The following NAALADL2 variants were observed in gnomAD, a reference collection of about 807,000 sequenced individuals.
The protein encoded by NAALADL2 is inactive N-acetylated-alpha-linked acidic dipeptidase-like protein 2.
NAALADL2 carries 76 observed loss-of-function variants against 87.2 expected under a neutral mutation model. That is an observed-to-expected ratio of 0.87 (90% confidence interval 0.72 to 1.05). The LOEUF is 1.05. Among genes scored for constraint, NAALADL2 ranks in the 50% least tolerant of loss-of-function variants. The probability of loss-of-function intolerance (pLI) is 0.00; values close to 1 mark genes in which losing one functional copy is unlikely to be tolerated. For missense variants in NAALADL2, 1,089 were observed against 945.8 expected, an observed-to-expected ratio of 1.15 and a Z score of -1.99; for synonymous variants, 354 against 331.0, an observed-to-expected ratio of 1.07 and a Z score of -0.75.
chr3:175,370,815 A>G (rs1027517487), intron 5 of NAALADL2, among the ~76,000 whole-genome samples: 1 of 152,302 alleles, frequency 6.6e-6, no homozygotes, highest in Non-Finnish European at 1.5e-5. Context: ...CATTGTTTTC[A>G]ATAAAAGGGT....
chr3:175,328,249 T>C (rs1386495920), intron 5 of NAALADL2, among the ~76,000 whole-genome samples: 2 of 152,212 alleles, frequency 1.3e-5, no homozygotes, highest in African/African-American at 4.8e-5. Context: ...GCTAATGGGA[T>C]AGAATCTGAT....
At chr3:175,565,546 C>T (rs1716966088) in intron 9 of NAALADL2, among the ~76,000 whole-genome samples, 1 of 152,090 alleles carries the variant, frequency 6.6e-6, no homozygotes, top group South Asian at 2.1e-4. Context: ...GGGTTGTCAA[C>T]TTAAGTGTCC....
chr3:175,229,357 G>C (rs933659725), intron 2 of NAALADL2, among the ~76,000 whole-genome samples: 1 of 151,844 alleles, frequency 6.6e-6, no homozygotes, highest in Admixed American at 6.6e-5. Context: ...TTCTTTATAG[G>C]ACAACTGAAT....
intron 6 of NAALADL2, among the ~76,000 whole-genome samples, chr3:175,458,791 A>G (rs73884412): frequency 0.014 from 2,175 of 152,152 alleles, 39 homozygotes; most frequent in African/African-American, 0.048. Flanking sequence ...GCACTGGTAC[A>G]TACAGGCTAT....
At chr3:175,658,504 T>C (rs1219349625) in intron 11 of NAALADL2, among the ~76,000 whole-genome samples, 1 of 152,150 alleles carries the variant, frequency 6.6e-6, no homozygotes, top group Middle Eastern at 3.2e-3. Flanking sequence ...TATTGAGGAC[T>C]ATAAAAATCT....
chr3:174,976,377 G>A (rs1744364562), intron 1 of NAALADL2, among the ~76,000 whole-genome samples: 2 of 152,154 alleles, frequency 1.3e-5, no homozygotes, highest in African/African-American at 4.8e-5. Flanking sequence ...AGTAAAACAA[G>A]TATTTGTTTT....
intron 1 of NAALADL2, among the ~76,000 whole-genome samples, chr3:174,442,710 G>A (rs1714756084): frequency 6.6e-6 from 1 of 152,190 alleles, no homozygotes; most frequent in African/African-American, 2.4e-5. Context: ...ATACATTCTA[G>A]TGGAGGGAGA....
At chr3:174,886,328 T>C (rs1730148206) in intron 1 of NAALADL2, among the ~76,000 whole-genome samples, 1 of 152,140 alleles carries the variant, frequency 6.6e-6, no homozygotes, top group African/African-American at 2.4e-5. Context: ...TTATATTTTT[T>C]CTGCCTGCTT....
intron 13 of NAALADL2, among the ~76,000 whole-genome samples, chr3:175,757,247 A>G (rs1747392358): frequency 1.3e-5 from 2 of 152,114 alleles, no homozygotes; most frequent in African/African-American, 4.8e-5. Flanking sequence ...TGGTATAGAA[A>G]TCTTAATTAC....
intron 5 of NAALADL2, among the ~76,000 whole-genome samples, chr3:175,399,486 G>C (rs957836921): frequency 6.6e-6 from 1 of 152,090 alleles, no homozygotes; most frequent in Non-Finnish European, 1.5e-5. Flanking sequence ...GTTATTTCTT[G>C]ATGATATGCT....
chr3:175,325,604 C>T (rs538246500), intron 5 of NAALADL2, among the ~76,000 whole-genome samples: 63 of 152,276 alleles, frequency 4.1e-4, no homozygotes, highest in Middle Eastern at 3.4e-3. Context: ...ACAGTGCTAC[C>T]AAAAACAGAC....
At chr3:175,722,851 TG>T (rs1187512681) in intron 11 of NAALADL2, among the ~76,000 whole-genome samples, 3 of 152,152 alleles carry the variant, frequency 2.0e-5, no homozygotes, top group Non-Finnish European at 4.4e-5. Context: ...AAACCATAGA[TG>T]CACTATATAG....
At position 174,761,805 on chromosome 3, in the gene NAALADL2, T is replaced by A. The variant is rs1710237; in HGVS notation, c.-9+24059T>A. On this transcript the variant is annotated intron_variant, in intron 3 of 3. Transcript: ENST00000434257. ...CCCTGGAGTGTGATGTTCTCCTTCC[T>A]GTGTCCACGTGTTCTCATTGTTCAG... Among the ~76,000 whole-genome samples the A allele has an allele frequency of 2.7e-3, 387 of 142,052 alleles. 1 individual carries two copies. Among genetic ancestry groups the A allele is most frequent in the African/African-American group, 9.6e-3 (365 of 38,200 alleles). 93.2% of individuals were successfully genotyped at this position (142,052 alleles called of 152,430 possible). A position where few individuals can be genotyped will look rare whatever the true frequency, so the allele number is the denominator to read the frequency against.
intron 2 of NAALADL2, among the ~76,000 whole-genome samples, chr3:175,152,847 C>T (rs961811083): frequency 1.3e-5 from 2 of 151,834 alleles, no homozygotes; most frequent in Admixed American, 6.6e-5. Flanking sequence ...GCAGAGGATG[C>T]AGTGAGCTGA....
Position 175,716,704 on chromosome 3 carries a change from A to G in NAALADL2, c.1897-20602A>G, listed in dbSNP as rs142189007. Among the ~76,000 whole-genome samples, 664 of 152,256 alleles carry G rather than the reference A, an allele frequency of 4.4e-3. 6 individuals are homozygous for G. Among genetic ancestry groups the G allele is most frequent in the African/African-American group, 0.015 (636 of 41,558 alleles). ...AGACCAGATTGTTATAGGCCTCAGG[A>G]TGCTGGCTGGTATTTGAGGGCAATG... On this transcript the variant is annotated intron_variant, in intron 11 of 13. Coordinates refer to ENST00000454872, the MANE Select transcript of NAALADL2 (RefSeq NM_207015.3).
rs2110433390 is a variant in NAALADL2 at position 175,324,043 on chromosome 3, A to G, written c.940-132A>G. On this transcript the variant is annotated intron_variant, in intron 4 of 13. Coordinates refer to ENST00000454872, the MANE Select transcript of NAALADL2 (RefSeq NM_207015.3). ...AAAAAACAAACAAAAAAAAAAAAAA[A>G]GAAAAAGAAAAAGAAAAAGAAAAAA... The G allele has an allele frequency of 8.3e-6, 4 of 480,214 alleles. No individual in the cohort carries two copies. The East Asian group carries it at 1.4e-4, about 16-fold the overall frequency. The allele number at this position is 480,214 out of a possible 1,614,324, so 29.7% of individuals were successfully genotyped here. A position where few individuals can be genotyped will look rare whatever the true frequency, so the allele number is the denominator to read the frequency against.
chr3:174,606,081 A>C (rs1175739271), intron 2 of NAALADL2, among the ~76,000 whole-genome samples: 1 of 152,224 alleles, frequency 6.6e-6, no homozygotes, highest in Non-Finnish European at 1.5e-5. Flanking sequence ...GACCTCTAGC[A>C]AACTCCAACA....
intron 11 of NAALADL2, among the ~76,000 whole-genome samples, chr3:175,661,230 A>C (rs1260352314): frequency 6.6e-6 from 1 of 151,262 alleles, no homozygotes; most frequent in Non-Finnish European, 1.5e-5. Flanking sequence ...TTTGATTTGC[A>C]TTTTCCTGTT....
intron 11 of NAALADL2, among the ~76,000 whole-genome samples, chr3:175,670,722 C>T (rs1250656679): frequency 2.0e-5 from 3 of 150,736 alleles, no homozygotes; most frequent in Admixed American, 6.6e-5. Context: ...TTATTCTTGA[C>T]TCATGGCATT....
Sources: gnomAD v4.1 joint callset for allele counts (sites outside exome capture counted in the v4.1 genomes callset) on GRCh38, gnomAD v4.1.1 for gene constraint, MANE v1.5 for transcripts, NCBI Gene and HGNC (gene_info 2026-07-23, HGNC 2026-07-21) for gene names.